Variants in ZNF112 observed in about 807,000 individuals in gnomAD.
ZNF112 encodes the protein zinc finger protein 112.
Under a neutral mutation model 77.7 loss-of-function variants are expected in ZNF112, and 37 were observed. That is an observed-to-expected ratio of 0.48 (90% confidence interval 0.37 to 0.63). ZNF112 has a LOEUF of 0.63. ZNF112 is among the 20% of genes least tolerant of loss of function. The pLI, the probability that ZNF112 is intolerant of heterozygous loss-of-function variation, is 0.00. For synonymous variants in ZNF112, 333 were observed against 363.6 expected (o/e 0.92, Z 0.96); for missense variants, 950 against 1,077.4 (o/e 0.88, Z 1.66).
At chr19:44,348,120 A>T (rs909111823) in intron 1 of ZNF112, among the ~76,000 whole-genome samples, 4 of 152,080 alleles carry the variant, frequency 2.6e-5, no homozygotes, top group African/African-American at 9.7e-5. Flanking sequence ...TGTATTCAAG[A>T]ATTTTTGTTT....
At chr19:44,363,144 T>C (rs1195655019) in intron 1 of ZNF112, among the ~76,000 whole-genome samples, 27,802 of 151,874 alleles carry the variant, frequency 0.18, 3,382 homozygotes, top group African/African-American at 0.35. Flanking sequence ...TAATTTTTTT[T>C]TTTTTTTGCA....
chr19:44,332,266 T>TA (rs1364222890), intron 3 of ZNF112, among the ~76,000 whole-genome samples: 1 of 151,878 alleles, frequency 6.6e-6, no homozygotes, highest in Non-Finnish European at 1.5e-5. Flanking sequence ...TCCCAACTTT[T>TA]AAAAAAGGAA....
chr19:44,337,384 A>ATTTTATAT (rs1568665622), intron 2 of ZNF112, among the ~76,000 whole-genome samples: 5 of 47,336 alleles, frequency 1.1e-4, no homozygotes, highest in Non-Finnish European at 9.6e-5. Context: ...TTTTATATAT[A>ATTTTATAT]ATAATATATA....
In ZNF112 at chr19:44,329,178, A is replaced by G. The variant is rs772320577; in HGVS notation, c.979T>C (p.Cys327Arg). 3.1e-6 allele frequency: 5 copies of G among 1,613,740 alleles called. No homozygotes were observed. Among genetic ancestry groups the G allele is most frequent in the Non-Finnish European group, 4.2e-6 (5 of 1,179,984 alleles). ...RVHTEEKPCK[C>R]GEYGENFNHC... is the part of the protein sequence containing the mutation. ...TTGAAGTTCTCACCATATTCACCAC[A>G]TTTGCATGGTTTCTCCTCTGTATGC... Residue 327 changes from cysteine to arginine, a missense_variant, in exon 4 of 4, where the codon TGT becomes CGT. Cys to Arg is a radical substitution (Grantham distance 180). This residue lies in a region of ZNF112 where 560 missense variants were observed against 557.3 expected (regional missense o/e 1.00). Coordinates refer to ENST00000354340, the MANE Select transcript of ZNF112 (RefSeq NM_013380.4).
intron 3 of ZNF112, among the ~76,000 whole-genome samples, chr19:44,335,384 T>C (rs1284008414): frequency 6.6e-6 from 1 of 152,136 alleles, no homozygotes; most frequent in Non-Finnish European, 1.5e-5. Flanking sequence ...CTGGGAGGGA[T>C]TTCCCCAAGG....
At chr19:44,340,059 G>C (rs1185598349) in intron 2 of ZNF112, among the ~76,000 whole-genome samples, 1 of 151,524 alleles carries the variant, frequency 6.6e-6, no homozygotes, top group Non-Finnish European at 1.5e-5. Context: ...TTGTCCTTTT[G>C]TAAGTTTTCT....
chr19:44,353,764 T>C (rs1362232636), intron 1 of ZNF112, among the ~76,000 whole-genome samples: 1 of 152,092 alleles, frequency 6.6e-6, no homozygotes, highest in Non-Finnish European at 1.5e-5. Context: ...GTAAATAAAC[T>C]GGAACTTTCT....
intron 2 of ZNF112, among the ~76,000 whole-genome samples, chr19:44,338,219 G>A (rs1441580706): frequency 1.3e-5 from 2 of 152,096 alleles, no homozygotes; most frequent in African/African-American, 4.8e-5. Context: ...ACATTGAAAT[G>A]ATGCTTGAGA....
At chr19:44,333,536 T>TG (rs997344631) in intron 3 of ZNF112, among the ~76,000 whole-genome samples, 3 of 152,194 alleles carry the variant, frequency 2.0e-5, no homozygotes, top group Non-Finnish European at 2.9e-5. Flanking sequence ...GATTGGATCA[T>TG]GGGGGTGCTT....
chr19:44,337,273 TTATA>T (rs1161223485), intron 2 of ZNF112, among the ~76,000 whole-genome samples: 4 of 137,332 alleles, frequency 2.9e-5, no homozygotes, highest in Non-Finnish European at 4.6e-5. Flanking sequence ...TTTATATATA[TTATA>T]TATATTTCAT....
chr19:44,364,056 C>G (rs1970879868), intron 1 of ZNF112, among the ~76,000 whole-genome samples: 1 of 152,032 alleles, frequency 6.6e-6, no homozygotes, highest in South Asian at 2.1e-4. Flanking sequence ...ATTACAGGCA[C>G]CTGCCACCAT....
At chr19:44,364,357 A>G (rs969982311) in intron 1 of ZNF112, among the ~76,000 whole-genome samples, 19 of 152,190 alleles carry the variant, frequency 1.2e-4, no homozygotes, top group African/African-American at 4.3e-4. Flanking sequence ...TTGTAAAGTA[A>G]CTGTTCAAAT....
At chr19:44,349,710 GAAAGT>G (rs1161328456) in intron 1 of ZNF112, among the ~76,000 whole-genome samples, 2 of 151,990 alleles carry the variant, frequency 1.3e-5, no homozygotes, top group Non-Finnish European at 2.9e-5. Context: ...CCCAAGCAAG[GAAAGT>G]AATTTACCAG....
chr19:44,327,169 T>C lies in ZNF112; in HGVS notation c.*264A>G. The C allele has an allele frequency of 3.0e-6, 1 of 333,556 alleles. No homozygotes were observed. Among genetic ancestry groups the C allele is most frequent in the Non-Finnish European group, 5.4e-6 (1 of 183,930 alleles). The allele number at this position is 333,556 out of a possible 1,614,324, so 20.7% of individuals were successfully genotyped here. The stretch of plus-strand genomic sequence containing the variant: ...AAGCTTACATTCTAGAGAACATGGA[T>C]TTAGGCATGCTCATCACTGTACTTT... On this transcript the variant is annotated 3_prime_UTR_variant, in exon 4 of 4. Coordinates refer to ENST00000354340, the MANE Select transcript of ZNF112 (RefSeq NM_013380.4).
At chr19:44,342,963 A>T (rs1048422920) in intron 1 of ZNF112, among the ~76,000 whole-genome samples, 3 of 152,240 alleles carry the variant, frequency 2.0e-5, no homozygotes, top group South Asian at 2.1e-4. Context: ...AGTTATATTT[A>T]AAAAAATGAC....
At chr19:44,349,071 T>A (rs1970646999) in intron 1 of ZNF112, among the ~76,000 whole-genome samples, 1 of 152,126 alleles carries the variant, frequency 6.6e-6, no homozygotes, top group Admixed American at 6.5e-5. Context: ...AACTCAAATT[T>A]CAGTGTCCAT....
In ZNF112 at chr19:44,327,315, CTCCTGGCCA is replaced by C; in HGVS notation, c.*109_*117del. ...TCATTAAATGTCTCTGTTGTGTGGT[CTCCTGGCCA>C]TTATGAATGTTGAAGTTGGGCAGCA... On this transcript the variant is annotated 3_prime_UTR_variant, in exon 4 of 4. Coordinates refer to ENST00000354340, the MANE Select transcript of ZNF112 (RefSeq NM_013380.4). 2.5e-6 allele frequency: 2 copies of C among 802,346 alleles called. No homozygotes were observed. The allele number at this position is 802,346 out of a possible 1,614,324, so 49.7% of individuals were successfully genotyped here. A position where few individuals can be genotyped will look rare whatever the true frequency, so the allele number is the denominator to read the frequency against.
At chr19:44,344,683 T>C (rs1970556255) in intron 1 of ZNF112, among the ~76,000 whole-genome samples, 1 of 152,170 alleles carries the variant, frequency 6.6e-6, no homozygotes, top group South Asian at 2.1e-4. Flanking sequence ...TGAGAGAGCA[T>C]GGAAGGGCCC....
At chr19:44,329,983 T>A in intron 3 of ZNF112, 47 bp from the exon 4 acceptor site, 2 of 1,446,474 alleles carry the variant, frequency 1.4e-6, no homozygotes, top group East Asian at 2.3e-5. Flanking sequence ...AATGCTTTAT[T>A]CAAGAGATTT....
Sources: gnomAD v4.1 joint callset for allele counts (sites outside exome capture counted in the v4.1 genomes callset) on GRCh38, gnomAD v4.1.1 for gene constraint, gnomAD v4.1.1 regional missense constraint, MANE v1.5 for transcripts, NCBI Gene and HGNC (gene_info 2026-07-23, HGNC 2026-07-21) for gene names.